The following USP50 variants were observed in gnomAD, a reference collection of about 807,000 sequenced individuals.
USP50 encodes ubiquitin carboxyl-terminal hydrolase 50.
Under a neutral mutation model 39.2 loss-of-function variants are expected in USP50, and 37 were observed. The ratio of observed to expected loss-of-function variants is 0.94; its 90% confidence interval spans 0.73 to 1.24. The LOEUF (loss-of-function observed/expected upper bound fraction) is 1.24. Ranked by LOEUF, USP50 falls within the 50% of genes most tolerant of loss-of-function variation. The probability of loss-of-function intolerance (pLI) is 0.00; values close to 1 mark genes in which losing one functional copy is unlikely to be tolerated. For missense variants in USP50, 374 were observed against 398.2 expected, an observed-to-expected ratio of 0.94 and a Z score of 0.52; for synonymous variants, 139 against 144.5, an observed-to-expected ratio of 0.96 and a Z score of 0.27.
At chr15:50,542,456 GTTTTTGTTTTTTTTTTTCCTTTTCATTTT>G in intron 3 of USP50, among the ~76,000 whole-genome samples, 1 of 110,758 alleles carries the variant, frequency 9.0e-6, no homozygotes, top group South Asian at 3.0e-4. Flanking sequence ...CCATGAATAT[GTTTTTGTTTTTTTTTTTCCTTTTCATTTT>G]TTTTTTTTTT....
chr15:50,505,559 A>G lies in USP50; in HGVS notation c.937-4722T>C, dbSNP rs150826803. The G allele has an allele frequency of 1.4e-4, 22 of 152,370 alleles. No individual in the cohort carries two copies. In the East Asian group the frequency reaches 4.0e-3, roughly 28 times the overall value. 9.4% of individuals were successfully genotyped at this position (152,370 alleles called of 1,614,324 possible). On this transcript the variant is annotated intron_variant, in intron 6 of 6. Coordinates refer to ENST00000532404, the MANE Select transcript of USP50 (RefSeq NM_203494.5). The stretch of plus-strand genomic sequence containing the variant: ...AACTCAATGAAGGAAGAAGTGATAC[A>G]TAATAGACAGTGATTAACAAAAAAG...
chr15:50,506,937 G>T (rs1442308872), intron 6 of USP50: 1 of 123,086 alleles, frequency 8.1e-6, no homozygotes, highest in Non-Finnish European at 1.6e-5. Context: ...CAGCCTGGGC[G>T]ACAGAGCGAG....
intron 5 of USP50, among the ~76,000 whole-genome samples, chr15:50,531,203 T>C (rs2052937923): frequency 6.6e-6 from 1 of 152,198 alleles, no homozygotes; most frequent in South Asian, 2.1e-4. Context: ...ATCCAGCAAT[T>C]CTGTACCTAG....
chr15:50,541,635 T>A (rs1327527543), intron 3 of USP50, among the ~76,000 whole-genome samples: 2 of 152,134 alleles, frequency 1.3e-5, no homozygotes, highest in African/African-American at 4.8e-5. Flanking sequence ...CTTGAAAGTA[T>A]ATATATCATG....
chr15:50,537,921 A>G (rs1430840163), intron 5 of USP50, among the ~76,000 whole-genome samples: 9 of 61,698 alleles, frequency 1.5e-4, no homozygotes, highest in African/African-American at 3.0e-4. Context: ...AAGGGAAGGG[A>G]AGGGAAGGGA....
At chr15:50,511,290 G>GA (rs2052736752) in intron 6 of USP50, 1 of 152,212 alleles carries the variant, frequency 6.6e-6, no homozygotes. Context: ...GGTTGAGGAT[G>GA]TGGGGAAACT....
chr15:50,518,735 A>G (rs1293892071), intron 6 of USP50, among the ~76,000 whole-genome samples: 2 of 152,202 alleles, frequency 1.3e-5, no homozygotes. Flanking sequence ...AAAATGCTTC[A>G]GGATATTGGT....
chr15:50,530,080 A>G (rs3109896), intron 5 of USP50, among the ~76,000 whole-genome samples, 151 bp from the exon 6 acceptor site: 146,272 of 152,262 alleles, frequency 0.96, 70,550 homozygotes, highest in Non-Finnish European at 1. Flanking sequence ...GCCAAGGTGG[A>G]CATATCCCTT....
At chr15:50,546,335 T>C (rs2053070595) in intron 1 of USP50, 138 bp downstream of exon 1, 1 of 768,696 alleles carries the variant, frequency 1.3e-6, no homozygotes, top group African/African-American at 1.7e-5. Context: ...AGGTACAATC[T>C]TCCTTCCTTT....
At chr15:50,529,727 G>A in intron 6 of USP50, 70 bp downstream of exon 6, 1 of 1,522,662 alleles carries the variant, frequency 6.6e-7, no homozygotes, top group Non-Finnish European at 8.9e-7. Flanking sequence ...AGGAGAAATA[G>A]GGATTCAAGC....
chr15:50,505,993 G>C (rs564689580), intron 6 of USP50: 86 of 152,366 alleles, frequency 5.6e-4, no homozygotes, highest in African/African-American at 2.0e-3. Context: ...GTAGTTCAGT[G>C]ATCAGAATTA....
At chr15:50,543,335 A>T (rs569368880) in intron 3 of USP50, among the ~76,000 whole-genome samples, 2 of 152,234 alleles carry the variant, frequency 1.3e-5, no homozygotes, top group Admixed American at 1.3e-4. Context: ...AAGCTTTCCC[A>T]AAAGACATTC....
chr15:50,504,592 T>G (rs1566900437), intron 6 of USP50: 1 of 152,150 alleles, frequency 6.6e-6, no homozygotes, highest in Non-Finnish European at 1.5e-5. Flanking sequence ...CTGTGGATTT[T>G]GATAGTCAAA....
chr15:50,510,972 G>T (rs1158422522), intron 6 of USP50: 1 of 152,122 alleles, frequency 6.6e-6, no homozygotes, highest in African/African-American at 2.4e-5. Flanking sequence ...TAGAGACGGG[G>T]TTTCACCGTG....
At chr15:50,541,368 C>G in intron 3 of USP50, 104 bp from the exon 4 acceptor site, 1 of 914,198 alleles carries the variant, frequency 1.1e-6, no homozygotes, top group South Asian at 1.7e-5. Context: ...AAAAAATTAG[C>G]TAGGCATGGT....
chr15:50,529,967 T>C, intron 5 of USP50, 38 bp from the exon 6 acceptor site: 1 of 1,610,058 alleles, frequency 6.2e-7, no homozygotes, highest in African/African-American at 1.3e-5. Context: ...CAAAGTAAGC[T>C]TGTGAACCAC....
intron 5 of USP50, chr15:50,532,354 C>G (rs781488102): frequency 2.1e-5 from 8 of 375,178 alleles, no homozygotes; most frequent in Non-Finnish European, 4.2e-5. Flanking sequence ...GCTTAACTAA[C>G]CTGGGAGAAG....
At chr15:50,527,585 A>G (rs1175960802) in intron 6 of USP50, among the ~76,000 whole-genome samples, 1 of 151,574 alleles carries the variant, frequency 6.6e-6, no homozygotes, top group Admixed American at 6.6e-5. Context: ...AAAGCTCTAG[A>G]TGGTTTTATT....
rs934801675 is a variant in USP50, at chr15:50,525,713, A to G, written c.936+4084T>C. Among the ~76,000 whole-genome samples the G allele has an allele frequency of 1.1e-3, 76 of 70,096 alleles. 3 individuals are homozygous for G. In the Admixed American group the frequency reaches 0.011, roughly 10 times the overall value. The allele number at this position is 70,096 out of a possible 152,430, so 46.0% of individuals were successfully genotyped here. A position where few individuals can be genotyped will look rare whatever the true frequency, so the allele number is the denominator to read the frequency against. ...TATGTATATGTATATATATGTATAT[A>G]TGTATATGTATATATGTATATGTAT... On this transcript the variant is annotated intron_variant, in intron 6 of 6. Coordinates refer to ENST00000532404, the MANE Select transcript of USP50 (RefSeq NM_203494.5).
Sources: gnomAD v4.1 joint callset for allele counts (sites outside exome capture counted in the v4.1 genomes callset) on GRCh38, gnomAD v4.1.1 for gene constraint, MANE v1.5 for transcripts, NCBI Gene and HGNC (gene_info 2026-07-23, HGNC 2026-07-21) for gene names.